PLXNA4: variants seen among roughly 807,000 people sequenced by gnomAD.
PLXNA4 encodes the protein plexin-A4.
A neutral mutation model predicts 191.8 loss-of-function variants in PLXNA4; 44 were observed. The observed-to-expected ratio is 0.23, with a 90% CI of 0.18 to 0.29. The LOEUF is 0.29. Ranked by LOEUF, PLXNA4 falls within the 10% of genes least tolerant of loss-of-function variation. The pLI is 1.00. For synonymous variants in PLXNA4, 1,082 were observed against 1,009.5 expected, an observed-to-expected ratio of 1.07 and a Z score of -1.36; for missense variants, 1,800 against 2,488.8, an observed-to-expected ratio of 0.72 and a Z score of 5.89.
chr7:132,257,683 C>A (rs1002204769), intron 4 of PLXNA4, among the ~76,000 whole-genome samples: 3 of 152,220 alleles, frequency 2.0e-5, no homozygotes, highest in East Asian at 1.9e-4. Context: ...GACAACCTGA[C>A]CTTCACAGGG....
At chr7:132,467,854 C>A (rs1563116170) in intron 3 of PLXNA4, among the ~76,000 whole-genome samples, 2 of 152,220 alleles carry the variant, frequency 1.3e-5, no homozygotes, top group Admixed American at 6.5e-5. Context: ...GAGGAACACA[C>A]TTCTTGGCTG....
chr7:132,345,215 A>G (rs561536733), intron 3 of PLXNA4, among the ~76,000 whole-genome samples: 1 of 152,300 alleles, frequency 6.6e-6, no homozygotes, highest in East Asian at 1.9e-4. Context: ...CAAACATTAG[A>G]ACCGCCAAAG....
At chr7:132,627,554 T>G (rs1292538341) in intron 2 of PLXNA4, among the ~76,000 whole-genome samples, 1 of 152,234 alleles carries the variant, frequency 6.6e-6, no homozygotes, top group Non-Finnish European at 1.5e-5. Context: ...CAAATTCTTA[T>G]GCTGGAATTA....
At chr7:132,432,190 C>G (rs992592595) in intron 3 of PLXNA4, among the ~76,000 whole-genome samples, 1 of 152,158 alleles carries the variant, frequency 6.6e-6, no homozygotes, top group Non-Finnish European at 1.5e-5. Context: ...GGTACCAGAA[C>G]TGGTGACGGA....
At chr7:132,562,535 C>T (rs1585344568) in intron 1 of PLXNA4, among the ~76,000 whole-genome samples, 1 of 126,746 alleles carries the variant, frequency 7.9e-6, no homozygotes, top group African/African-American at 3.3e-5. Context: ...CCTCCTTCTC[C>T]TCTTTCTCCT....
intron 10 of PLXNA4, among the ~76,000 whole-genome samples, chr7:132,204,376 C>T (rs1797543320): frequency 1.3e-5 from 2 of 152,184 alleles, no homozygotes; most frequent in African/African-American, 2.4e-5. Flanking sequence ...AATTTCCAAC[C>T]CCTACCTGGT....
chr7:132,503,163 GC>G (rs1798324315), intron 2 of PLXNA4, among the ~76,000 whole-genome samples: 1 of 152,130 alleles, frequency 6.6e-6, no homozygotes, highest in African/African-American at 2.4e-5. Flanking sequence ...CATGACCACA[GC>G]CATTGTTCCC....
chr7:132,451,451 G>A (rs1021655339), intron 3 of PLXNA4, among the ~76,000 whole-genome samples: 5 of 152,134 alleles, frequency 3.3e-5, no homozygotes, highest in Non-Finnish European at 5.9e-5. Context: ...GAGGAAGCAT[G>A]TCCACAAGGG....
chr7:132,475,423 T>C (rs549589632), intron 3 of PLXNA4, among the ~76,000 whole-genome samples: 103 of 151,924 alleles, frequency 6.8e-4, no homozygotes, highest in African/African-American at 2.4e-3. Flanking sequence ...AGAGAGAAAA[T>C]GTTAGAGATA....
intron 24 of PLXNA4, among the ~76,000 whole-genome samples, chr7:132,163,527 G>C (rs1475904745): frequency 6.6e-6 from 1 of 152,214 alleles, no homozygotes; most frequent in South Asian, 2.1e-4. Flanking sequence ...AGGTCTGTCT[G>C]ATCCCAAAGG....
intron 1 of PLXNA4, among the ~76,000 whole-genome samples, chr7:132,530,343 T>C (rs1799574906): frequency 1.3e-5 from 2 of 152,314 alleles, no homozygotes; most frequent in East Asian, 1.9e-4. Context: ...AGACAACATA[T>C]TTGCAAATCA....
At chr7:132,512,664 G>A (rs1406199064) in intron 1 of PLXNA4, among the ~76,000 whole-genome samples, 2 of 152,170 alleles carry the variant, frequency 1.3e-5, no homozygotes, top group Admixed American at 6.5e-5. Context: ...CCACAGAGGT[G>A]ACACCCCGCC....
intron 4 of PLXNA4, among the ~76,000 whole-genome samples, chr7:132,262,998 G>A (rs559973851): frequency 6.6e-6 from 1 of 152,194 alleles, no homozygotes. Context: ...GGGGGTTGAA[G>A]TCTCACTTCC....
Position 132,226,161 on chromosome 7 carries a change from G to T in PLXNA4, c.1982C>A (p.Ser661Ter). Residue 661 changes from serine (S) to a stop codon, truncating the protein, a stop_gained and splice_region_variant, in exon 8 of 32, where the codon TCG becomes TAG. Transcript: ENST00000321063. LOFTEE classifies it high-confidence loss of function. ...AGTGGGTAAGGCTGGGGCCACTTACGAATTGTGGACGCTGCAATTGTAGAA... is the reference window on the plus strand; with the variant it reads ...AGTGGGTAAGGCTGGGGCCACTTACTAATTGTGGACGCTGCAATTGTAGAA... ...FVFYNCSVHNSCLSCVESPYR... is the reference protein window; with the variant it reads ...FVFYNCSVHN 1 of 1,613,236 alleles carries T rather than the reference G, an allele frequency of 6.2e-7. No homozygotes were observed. Among genetic ancestry groups the T allele is most frequent in the South Asian group, 1.1e-5 (1 of 91,020 alleles).
chr7:132,522,265 C>T (rs1799218907), intron 1 of PLXNA4, among the ~76,000 whole-genome samples: 1 of 152,214 alleles, frequency 6.6e-6, no homozygotes, highest in Non-Finnish European at 1.5e-5. Flanking sequence ...CACCACCTCT[C>T]ATTGGTGGAA....
Position 132,194,048 on chromosome 7 carries a change from T to A in PLXNA4, c.2856+14A>T, listed in dbSNP as rs1393795617. 3 of 1,609,850 alleles carry A rather than the reference T, an allele frequency of 1.9e-6. No homozygotes were observed. Among genetic ancestry groups the A allele is most frequent in the Non-Finnish European group, 2.5e-6 (3 of 1,177,068 alleles). The stretch of plus-strand genomic sequence containing the variant: ...GGCCTGCACCCAGCCAGATCACTGC[T>A]GGCCAAGACTCACCATGAAGTAATA... On this transcript the variant is annotated intron_variant, in intron 14 of 31. Transcript: ENST00000321063.
rs113882925 is a variant in PLXNA4, at chr7:132,453,076, G to T, written c.1371+36216C>A. Reference sequence around the variant, plus strand: ...GTTTTTGGTCATGGGGAATTATGTAGAGGCCCCAAAATGACAAGAGAAGTG... The same window carrying T: ...GTTTTTGGTCATGGGGAATTATGTATAGGCCCCAAAATGACAAGAGAAGTG... On this transcript the variant is annotated intron_variant, in intron 3 of 31. Coordinates refer to ENST00000321063, the MANE Select transcript of PLXNA4 (RefSeq NM_020911.2). Among the ~76,000 whole-genome samples, 1,080 of 152,276 alleles carry T rather than the reference G, an allele frequency of 7.1e-3. 14 individuals carry two copies. Among genetic ancestry groups the T allele is most frequent in the African/African-American group, 0.025 (1,036 of 41,554 alleles).
At chr7:132,164,532 C>T (rs556908977) in intron 23 of PLXNA4, among the ~76,000 whole-genome samples, 17 of 152,298 alleles carry the variant, frequency 1.1e-4, no homozygotes, top group South Asian at 4.1e-4. Context: ...TTCCTACTGC[C>T]GCCTCTCCAG....
At chr7:132,145,582 C>T (rs1191579157) in intron 28 of PLXNA4, 1 of 390,770 alleles carries the variant, frequency 2.6e-6, no homozygotes, top group Non-Finnish European at 4.7e-6. Context: ...GTTATTTTAG[C>T]ACTTTTCACA....
Sources: allele counts gnomAD v4.1 joint callset (sites outside exome capture counted in the v4.1 genomes callset), GRCh38; gene constraint gnomAD v4.1.1; transcripts MANE v1.5; gene names NCBI Gene and HGNC (gene_info 2026-07-23, HGNC 2026-07-21).